The following GRM7 variants were observed in gnomAD, a reference collection of about 807,000 sequenced individuals.
GRM7 encodes the protein metabotropic glutamate receptor 7.
GRM7 carries 35 observed loss-of-function variants against 84.5 expected under a neutral mutation model. The observed-to-expected ratio is 0.41, with a 90% CI of 0.32 to 0.55. The LOEUF is 0.55. Among genes scored for constraint, GRM7 ranks in the 20% least tolerant of loss-of-function variants. The pLI, the probability that GRM7 is intolerant of heterozygous loss-of-function variation, is 0.19. For synonymous variants in GRM7, 487 were observed against 455.1 expected, an observed-to-expected ratio of 1.07 and a Z score of -0.89; for missense variants, 1,003 against 1,194.6, an observed-to-expected ratio of 0.84 and a Z score of 2.36.
intron 9 of GRM7, chr3:7,693,652 C>T: frequency 1.3e-6 from 2 of 1,529,984 alleles, no homozygotes; most frequent in South Asian, 1.2e-5. Context: ...GCAACTGCTA[C>T]TGACCATCTG....
intron 1 of GRM7, among the ~76,000 whole-genome samples, chr3:7,017,976 A>G (rs755482193): frequency 9.9e-5 from 15 of 152,244 alleles, no homozygotes; most frequent in Admixed American, 3.3e-4. Context: ...TAAAAGGGAA[A>G]GATGATTTAT....
chr3:7,362,480 A>G (rs560351384), intron 4 of GRM7, among the ~76,000 whole-genome samples: 3 of 151,802 alleles, frequency 2.0e-5, no homozygotes, highest in East Asian at 1.9e-4. Context: ...TTAAAGATAC[A>G]TTAGAAAAAT....
chr3:7,712,369 A>G (rs1171253609), intron 9 of GRM7, among the ~76,000 whole-genome samples: 1 of 152,076 alleles, frequency 6.6e-6, no homozygotes, highest in Non-Finnish European at 1.5e-5. Context: ...TGGCATCCTC[A>G]GCTGCACCCA....
At chr3:7,255,883 G>A (rs1698176579) in intron 2 of GRM7, among the ~76,000 whole-genome samples, 1 of 152,122 alleles carries the variant, frequency 6.6e-6, no homozygotes, top group Non-Finnish European at 1.5e-5. Context: ...ATCCAATACA[G>A]TCTTTCTCCA....
chr3:7,137,336 G>A (rs571700029), intron 1 of GRM7, among the ~76,000 whole-genome samples: 3 of 152,118 alleles, frequency 2.0e-5, no homozygotes, highest in Admixed American at 2.0e-4. Context: ...TATCTTGAAA[G>A]TAAGATCTGA....
intron 1 of GRM7, among the ~76,000 whole-genome samples, chr3:6,959,357 A>G (rs1458452538): frequency 6.6e-6 from 1 of 152,212 alleles, no homozygotes; most frequent in Non-Finnish European, 1.5e-5. Flanking sequence ...GAATTCCATC[A>G]AAACTAGATT....
At chr3:7,320,324 TG>T (rs1700731119) in intron 4 of GRM7, among the ~76,000 whole-genome samples, 1 of 151,988 alleles carries the variant, frequency 6.6e-6, no homozygotes, top group African/African-American at 2.4e-5. Context: ...CCTTTAGCGA[TG>T]AAAACCAAAA....
At chr3:6,940,195 G>A (rs984263177) in intron 1 of GRM7, among the ~76,000 whole-genome samples, 4 of 152,040 alleles carry the variant, frequency 2.6e-5, no homozygotes, top group Admixed American at 6.5e-5. Flanking sequence ...GGGTTCAAGC[G>A]ATACTCCTGC....
At chr3:7,081,270 T>C (rs1391316976) in intron 1 of GRM7, among the ~76,000 whole-genome samples, 4 of 152,104 alleles carry the variant, frequency 2.6e-5, no homozygotes, top group Non-Finnish European at 4.4e-5. Flanking sequence ...TAACACGTGC[T>C]CACTTCATGT....
intron 4 of GRM7, among the ~76,000 whole-genome samples, chr3:7,392,492 T>C (rs551715631): frequency 6.6e-6 from 1 of 152,246 alleles, no homozygotes; most frequent in East Asian, 1.9e-4. Flanking sequence ...CTAAATAATG[T>C]CTCTAAACTC....
intron 8 of GRM7, chr3:7,607,524 G>A (rs1696640122): frequency 6.6e-6 from 1 of 151,336 alleles, no homozygotes; most frequent in African/African-American, 2.4e-5. Flanking sequence ...GAAAAAACAT[G>A]GAAATATATA....
intron 1 of GRM7, among the ~76,000 whole-genome samples, chr3:6,912,608 G>T (rs1468082024): frequency 6.6e-6 from 1 of 152,100 alleles, no homozygotes; most frequent in Non-Finnish European, 1.5e-5. Context: ...ATGCTTTTCT[G>T]TTAGGAAGCT....
intron 1 of GRM7, among the ~76,000 whole-genome samples, chr3:6,949,086 T>G (rs150750983): frequency 0.018 from 2,815 of 152,264 alleles, 86 homozygotes; most frequent in African/African-American, 0.064. Flanking sequence ...GTGTGAATTT[T>G]ATCCTATCAT....
intron 1 of GRM7, among the ~76,000 whole-genome samples, chr3:6,986,076 C>T (rs534709737): frequency 2.0e-5 from 3 of 151,998 alleles, no homozygotes; most frequent in Non-Finnish European, 2.9e-5. Context: ...TATGAAGTTT[C>T]GGTAATACAG....
In GRM7 at chr3:7,103,007, C is replaced by A. The variant is rs887947794; in HGVS notation, c.520-43445C>A. Among the ~76,000 whole-genome samples the A allele has an allele frequency of 2.0e-5, 3 of 151,818 alleles. No homozygotes were observed. In the East Asian group the frequency reaches 5.8e-4, roughly 29 times the overall value. ...ATATATTTATAATACCTGCTCTACA[C>A]ATTTTTCTTGCTAATGCAACAACTG... is the stretch of plus-strand genomic sequence containing the variant. On this transcript the variant is annotated intron_variant, in intron 1 of 9. Coordinates refer to ENST00000357716, the MANE Select transcript of GRM7 (RefSeq NM_000844.4).
At chr3:7,645,296 C>T (rs569624415) in intron 8 of GRM7, among the ~76,000 whole-genome samples, 26 of 152,032 alleles carry the variant, frequency 1.7e-4, no homozygotes, top group Non-Finnish European at 2.5e-4. Context: ...CGCCTGTAAT[C>T]CCAGCACTTT....
intron 1 of GRM7, among the ~76,000 whole-genome samples, chr3:6,958,191 C>T (rs894716334): frequency 6.6e-6 from 1 of 151,088 alleles, no homozygotes; most frequent in Non-Finnish European, 1.5e-5. Context: ...TTGTTACTCT[C>T]TATATATTAG....
intron 5 of GRM7, among the ~76,000 whole-genome samples, chr3:7,441,880 G>A (rs953306636): frequency 2.0e-5 from 3 of 152,010 alleles, no homozygotes; most frequent in Admixed American, 2.0e-4. Context: ...GTTTACTGTA[G>A]CCTTATAGTA....
chr3:7,675,683 T>C (rs879402305), intron 8 of GRM7, among the ~76,000 whole-genome samples: 2 of 152,178 alleles, frequency 1.3e-5, no homozygotes, highest in Non-Finnish European at 2.9e-5. Flanking sequence ...TAGACATGAA[T>C]AGGAGTGGGC....
Sources: allele counts gnomAD v4.1 joint callset (sites outside exome capture counted in the v4.1 genomes callset), GRCh38; gene constraint gnomAD v4.1.1; transcripts MANE v1.5; gene names NCBI Gene and HGNC (gene_info 2026-07-23, HGNC 2026-07-21).